The following GNAL variants were observed in gnomAD, a reference collection of about 807,000 sequenced individuals.
GNAL encodes guanine nucleotide-binding protein G(olf) subunit alpha.
In GNAL, 18 loss-of-function variants were observed where a neutral mutation model predicts 55.1. That is an observed-to-expected ratio of 0.33 (90% CI 0.23 to 0.48). The LOEUF is 0.48. Ranked by LOEUF, GNAL falls within the 20% of genes least tolerant of loss-of-function variation. The pLI, the probability that GNAL is intolerant of heterozygous loss-of-function variation, is 0.99. For synonymous variants in GNAL, 253 were observed against 237.0 expected (o/e 1.07, Z -0.62); for missense variants, 412 against 614.1 (o/e 0.67, Z 3.48).
intron 4 of GNAL, among the ~76,000 whole-genome samples, chr18:11,820,069 T>C (rs1376248713): frequency 1.3e-5 from 2 of 152,126 alleles, no homozygotes; most frequent in African/African-American, 2.4e-5. Context: ...AGGGTTGATA[T>C]AATTGTGAGA....
chr18:11,731,372 C>T (rs1444345234), intron 1 of GNAL, among the ~76,000 whole-genome samples: 1 of 152,248 alleles, frequency 6.6e-6, no homozygotes, highest in African/African-American at 2.4e-5. Flanking sequence ...GGTTCTCCAA[C>T]TCCTGACCTC....
Position 11,698,360 on chromosome 18 carries a change from G to A in GNAL, c.376+8421G>A, listed in dbSNP as rs145787818. On this transcript the variant is annotated intron_variant, in intron 1 of 11. Transcript: ENST00000334049. ...GCAAAAATTAACTGGGCGTGGTGGTGCACGCCTGTGATCCCAGCTACTTGG... is the reference window on the plus strand; with the variant it reads ...GCAAAAATTAACTGGGCGTGGTGGTACACGCCTGTGATCCCAGCTACTTGG... Among the ~76,000 whole-genome samples the A allele has an allele frequency of 3.2e-3, 489 of 152,044 alleles. 8 individuals are homozygous for A. In the East Asian group the frequency reaches 0.036, roughly 11 times the overall value.
In GNAL at chr18:11,700,319, A is replaced by G. The variant is rs1383540038; in HGVS notation, c.376+10380A>G. 5.3e-5 allele frequency among the ~76,000 whole-genome samples: 8 copies of G among 152,230 alleles called. No homozygotes were observed. In the South Asian group the frequency reaches 8.3e-4, roughly 16 times the overall value. On this transcript the variant is annotated intron_variant, in intron 1 of 11. Coordinates refer to ENST00000334049, the MANE Select transcript of GNAL (RefSeq NM_182978.4). ...TTTTCCAACTGCAGTTCTGGGGTTA[A>G]ATTATTCTCAGCAAATAAAGCCCTC...
intron 5 of GNAL, chr18:11,852,205 A>G: frequency 1.4e-6 from 2 of 1,405,312 alleles, no homozygotes; most frequent in Non-Finnish European, 1.9e-6. Context: ...AACTCTGAAC[A>G]CGCCAGAATG....
intron 2 of GNAL, 145 bp downstream of exon 2, chr18:11,753,070 G>A (rs1173257010): frequency 3.5e-5 from 18 of 507,182 alleles, no homozygotes; most frequent in Non-Finnish European, 5.4e-5. Flanking sequence ...TTTGCTGTTG[G>A]ATTTGGTATA....
intron 4 of GNAL, among the ~76,000 whole-genome samples, chr18:11,786,945 A>T (rs978402096): frequency 6.6e-6 from 1 of 152,014 alleles, no homozygotes; most frequent in African/African-American, 2.4e-5. Context: ...TAAGAGGGCT[A>T]TTGGAAAGGT....
intron 4 of GNAL, among the ~76,000 whole-genome samples, chr18:11,803,355 A>C (rs1023494234): frequency 6.6e-6 from 1 of 152,210 alleles, no homozygotes; most frequent in African/African-American, 2.4e-5. Context: ...CACTTAGCAC[A>C]AAGTCCTCAA....
intron 1 of GNAL, among the ~76,000 whole-genome samples, chr18:11,734,615 A>C (rs992383511): frequency 6.6e-6 from 1 of 151,392 alleles, no homozygotes; most frequent in Admixed American, 6.6e-5. Flanking sequence ...TGGGAGTTTC[A>C]TAGGCTCGCC....
intron 11 of GNAL, among the ~76,000 whole-genome samples, chr18:11,878,171 C>T (rs1239838391): frequency 2.0e-5 from 3 of 152,196 alleles, no homozygotes; most frequent in Non-Finnish European, 4.4e-5. Flanking sequence ...AACATCCAGG[C>T]CGGATGCAGT....
chr18:11,751,129 G>A lies in GNAL; in HGVS notation c.377-1724G>A, dbSNP rs1474694150. Among the ~76,000 whole-genome samples the A allele has an allele frequency of 6.6e-6, 1 of 152,130 alleles. No individual in the cohort carries two copies. Among genetic ancestry groups the A allele is most frequent in the Non-Finnish European group, 1.5e-5 (1 of 68,024 alleles). ...AGTTAGACAGCGCAGCGCCAAGCCCGAGACGGTCAACTGGGAGCCGCCACA... is the reference window on the plus strand; with the variant it reads ...AGTTAGACAGCGCAGCGCCAAGCCCAAGACGGTCAACTGGGAGCCGCCACA... On this transcript the variant is annotated intron_variant, in intron 1 of 11. Coordinates refer to ENST00000334049, the MANE Select transcript of GNAL (RefSeq NM_182978.4). The surrounding 1 kb of genome is among the most constrained non-coding windows in gnomAD (Gnocchi z 4.5).
intron 4 of GNAL, among the ~76,000 whole-genome samples, chr18:11,805,649 A>G (rs61636989): frequency 0.31 from 47,772 of 151,896 alleles, 9,287 homozygotes; most frequent in African/African-American, 0.55. Flanking sequence ...TAAGATAGTG[A>G]CCTCCAGTTC....
intron 1 of GNAL, chr18:11,746,098 C>T (rs910999443): frequency 9.7e-6 from 5 of 516,328 alleles, no homozygotes; most frequent in African/African-American, 3.9e-5. Flanking sequence ...GAGCACTCCA[C>T]GACTCCCCTT....
chr18:11,716,614 C>T (rs530440529), intron 1 of GNAL, among the ~76,000 whole-genome samples: 5 of 152,252 alleles, frequency 3.3e-5, no homozygotes, highest in Admixed American at 1.3e-4. Context: ...TTTACAATCC[C>T]TGAGCTAGAC....
At chr18:11,837,353 A>C (rs1255611121) in intron 5 of GNAL, among the ~76,000 whole-genome samples, 1 of 152,168 alleles carries the variant, frequency 6.6e-6, no homozygotes, top group Non-Finnish European at 1.5e-5. Flanking sequence ...GAAGGGGGAA[A>C]ATGTTTATAA....
At chr18:11,824,454 G>A (rs760413366) in intron 4 of GNAL, among the ~76,000 whole-genome samples, 25 of 152,192 alleles carry the variant, frequency 1.6e-4, no homozygotes, top group Non-Finnish European at 2.8e-4. Context: ...TTGGGAGGCC[G>A]AGGTGGGAGG....
intron 4 of GNAL, 49 bp from the exon 5 acceptor site, chr18:11,824,869 A>T (rs1236581211): frequency 1.0e-6 from 1 of 956,688 alleles, no homozygotes; most frequent in Non-Finnish European, 1.6e-6. Context: ...ACTTTTTAAA[A>T]GGTTATTACA....
At chr18:11,785,783 C>T (rs928355327) in intron 4 of GNAL, among the ~76,000 whole-genome samples, 7 of 152,106 alleles carry the variant, frequency 4.6e-5, no homozygotes, top group Non-Finnish European at 8.8e-5. Context: ...CGAACGTCAG[C>T]GATGGCCTCG....
At chr18:11,699,337 G>A (rs2031501068) in intron 1 of GNAL, among the ~76,000 whole-genome samples, 2 of 151,848 alleles carry the variant, frequency 1.3e-5, no homozygotes, top group African/African-American at 4.8e-5. Context: ...TAGGACCACA[G>A]GCACCCACCA....
intron 4 of GNAL, among the ~76,000 whole-genome samples, chr18:11,779,178 G>A (rs12104012): frequency 0.024 from 3,718 of 152,212 alleles, 150 homozygotes; most frequent in African/African-American, 0.085. Context: ...AATGGGCCTC[G>A]TGCTACTGCG....
Sources: allele counts gnomAD v4.1 joint callset (sites outside exome capture counted in the v4.1 genomes callset), GRCh38; gene constraint gnomAD v4.1.1; non-coding constraint Gnocchi (gnomAD v3.1); transcripts MANE v1.5; gene names NCBI Gene and HGNC (gene_info 2026-07-23, HGNC 2026-07-21).